MMP7: variants seen among roughly 807,000 people sequenced by gnomAD.
MMP7 encodes matrilysin.
A neutral mutation model predicts 31.5 loss-of-function variants in MMP7; 26 were observed. That is an observed-to-expected ratio of 0.83 (90% CI 0.61 to 1.15). The LOEUF is 1.15. Among genes scored for constraint, MMP7 ranks in the 50% most tolerant of loss-of-function variants. The pLI, the probability that MMP7 is intolerant of heterozygous loss-of-function variation, is 0.00. For synonymous variants in MMP7, 142 were observed against 124.2 expected, an observed-to-expected ratio of 1.14 and a Z score of -0.95; for missense variants, 367 against 326.5, an observed-to-expected ratio of 1.12 and a Z score of -0.96.
chr11:102,524,711 C>T, intron 4 of MMP7: 1 of 317,988 alleles, frequency 3.1e-6, no homozygotes, highest in East Asian at 5.8e-5. Context: ...GGTAGACGTA[C>T]AGCAAATTGG....
chr11:102,524,714 C>T (rs551253113), intron 4 of MMP7: 1 of 323,562 alleles, frequency 3.1e-6, no homozygotes. Context: ...AGACGTACAG[C>T]AAATTGGATC....
Position 102,520,594 on chromosome 11 carries a change from C to T in MMP7, c.*182G>A. 2 of 514,738 alleles carry T rather than the reference C, an allele frequency of 3.9e-6. No homozygotes were observed. The highest frequency in any genetic ancestry group is 3.0e-5 in the East Asian group (1 of 33,138). 31.9% of individuals were successfully genotyped at this position (514,738 alleles called of 1,614,324 possible). ...CCACTGCAAGTATAGATGAATAAGA[C>T]ACAGTCACACCATAAAGGAGTTTAT... On this transcript the variant is annotated 3_prime_UTR_variant, in exon 6 of 6. Coordinates refer to ENST00000260227, the MANE Select transcript of MMP7 (RefSeq NM_002423.5).
In MMP7 at chr11:102,520,592, G is replaced by C; in HGVS notation, c.*184C>G. On this transcript the variant is annotated 3_prime_UTR_variant, in exon 6 of 6. Transcript: ENST00000260227. ...ACCCACTGCAAGTATAGATGAATAA[G>C]ACACAGTCACACCATAAAGGAGTTT... 1.9e-6 allele frequency: 1 copy of C among 515,220 alleles called. No homozygotes were observed. The highest frequency in any genetic ancestry group is 1.9e-5 in the African/African-American group (1 of 52,470). The allele number at this position is 515,220 out of a possible 1,614,324, so 31.9% of individuals were successfully genotyped here.
intron 5 of MMP7, 130 bp downstream of exon 5, chr11:102,523,110 C>T (rs574850619): frequency 4.9e-6 from 3 of 611,614 alleles, no homozygotes; most frequent in South Asian, 5.8e-5. Context: ...CAATTCCTCC[C>T]CTCAATAGGC....
At chr11:102,521,338 C>A (rs7926218) in intron 5 of MMP7, among the ~76,000 whole-genome samples, 10,226 of 152,158 alleles carry the variant, frequency 0.067, 899 homozygotes, top group African/African-American at 0.21. Flanking sequence ...GCTGGGACTA[C>A]AGACATGCAC....
intron 5 of MMP7, among the ~76,000 whole-genome samples, chr11:102,521,150 A>G (rs1352781500): frequency 6.6e-6 from 1 of 152,180 alleles, no homozygotes; most frequent in African/African-American, 2.4e-5. Context: ...AAATGAGTTA[A>G]TCCATGTGAA....
At chr11:102,525,955 C>T (rs544890110) in intron 3 of MMP7, among the ~76,000 whole-genome samples, 10 of 151,846 alleles carry the variant, frequency 6.6e-5, no homozygotes, top group South Asian at 2.1e-4. Context: ...CTTGTAGTGC[C>T]ATGATTAGTG....
chr11:102,527,330 C>G lies in MMP7; in HGVS notation c.484+194G>C. 3 of 659,102 alleles carry G rather than the reference C, an allele frequency of 4.6e-6. No individual in the cohort carries two copies. The South Asian group carries it at 6.3e-5, about 14-fold the overall frequency. The allele number at this position is 659,102 out of a possible 1,614,324, so 40.8% of individuals were successfully genotyped here. ...TGGCTCATGCATCATAGTTTGCCAA[C>G]TGCTGCTATAAAAAGTGGCTCTATA... On this transcript the variant is annotated intron_variant, in intron 3 of 5. Coordinates refer to ENST00000260227, the MANE Select transcript of MMP7 (RefSeq NM_002423.5).
chr11:102,526,242 T>TATA (rs1565375887), intron 3 of MMP7, among the ~76,000 whole-genome samples: 4 of 116,624 alleles, frequency 3.4e-5, no homozygotes, highest in African/African-American at 3.8e-5. Context: ...ATATATATAT[T>TATA]TTTTTTTTTT....
chr11:102,526,880 C>A (rs796636228), intron 3 of MMP7: 6 of 152,676 alleles, frequency 3.9e-5, no homozygotes, highest in East Asian at 1.9e-4. Context: ...TTTAGACACA[C>A]AAATACTTGC....
At chr11:102,521,158 G>A (rs1168069237) in intron 5 of MMP7, among the ~76,000 whole-genome samples, 1 of 152,142 alleles carries the variant, frequency 6.6e-6, no homozygotes, top group African/African-American at 2.4e-5. Context: ...TAATCCATGT[G>A]AAGTCTTGGG....
At chr11:102,526,549 T>A (rs896378043) in intron 3 of MMP7, among the ~76,000 whole-genome samples, 2 of 152,144 alleles carry the variant, frequency 1.3e-5, no homozygotes, top group Non-Finnish European at 2.9e-5. Context: ...GTTATATATT[T>A]TTAAGTTCTT....
rs768791156 is a variant in MMP7 at position 102,524,973 on chromosome 11, G to A, written c.576C>T (p.Phe192=). 24 of 1,613,770 alleles carry A rather than the reference G, an allele frequency of 1.5e-5. No individual in the cohort carries two copies. The highest frequency in any genetic ancestry group is 2.0e-5 in the Non-Finnish European group (24 of 1,179,966). The change falls in exon 4 of 6, where the codon TTC becomes TTT. Residue 192 remains phenylalanine, a synonymous_variant. Coordinates refer to ENST00000260227, the MANE Select transcript of MMP7 (RefSeq NM_002423.5). The part of the protein sequence containing the change: ...PGTGLGGDAH[F]DEDERWTDGS... ...CATCCGTCCAGCGTTCATCCTCATC[G>A]AAGTGAGCATCTCCTCCGAGACCTG...
chr11:102,527,222 C>G (rs969110550), intron 3 of MMP7: 1 of 357,212 alleles, frequency 2.8e-6, no homozygotes, highest in Non-Finnish European at 5.2e-6. Flanking sequence ...TGAGCCCAAA[C>G]AGTCATAGGT....
chr11:102,521,675 T>C (rs1018232183), intron 5 of MMP7, among the ~76,000 whole-genome samples: 4 of 152,228 alleles, frequency 2.6e-5, no homozygotes, highest in Admixed American at 6.5e-5. Context: ...TGACCAGAGA[T>C]GCCCTTTTGT....
chr11:102,530,457 G>GCTTTTAT (rs1858722483), intron 1 of MMP7, 136 bp downstream of exon 1: 1 of 706,136 alleles, frequency 1.4e-6, no homozygotes, highest in African/African-American at 1.8e-5. Context: ...AACATATATT[G>GCTTTTAT]CTTTTATAAT....
intron 3 of MMP7, among the ~76,000 whole-genome samples, chr11:102,526,570 G>C (rs538573966): frequency 1.3e-5 from 2 of 152,180 alleles, no homozygotes; most frequent in East Asian, 1.9e-4. Flanking sequence ...TAATATGAAA[G>C]TTTCCATTTC....
chr11:102,527,332 G>A, intron 3 of MMP7, 192 bp downstream of exon 3: 3 of 665,630 alleles, frequency 4.5e-6, no homozygotes, highest in South Asian at 4.2e-5. Flanking sequence ...TTTGCCAACT[G>A]CTGCTATAAA....
At chr11:102,526,240 A>T (rs866212379) in intron 3 of MMP7, among the ~76,000 whole-genome samples, 7,839 of 130,990 alleles carry the variant, frequency 0.06, 318 homozygotes, top group Non-Finnish European at 0.084. Flanking sequence ...ATATATATAT[A>T]TTTTTTTTTT....
Sources: allele counts gnomAD v4.1 joint callset (sites outside exome capture counted in the v4.1 genomes callset), GRCh38; gene constraint gnomAD v4.1.1; transcripts MANE v1.5; gene names NCBI Gene and HGNC (gene_info 2026-07-23, HGNC 2026-07-21).